The following ASTN2 variants were observed in gnomAD, a reference collection of about 807,000 sequenced individuals.
ASTN2 encodes astrotactin-2.
A neutral mutation model predicts 139.8 loss-of-function variants in ASTN2; 54 were observed. That is an observed-to-expected ratio of 0.39 (90% confidence interval 0.31 to 0.48). ASTN2 has a LOEUF of 0.48. Among genes scored for constraint, ASTN2 ranks in the 20% least tolerant of loss-of-function variants. The pLI is 0.95. For synonymous variants in ASTN2, 756 were observed against 719.5 expected (o/e 1.05, Z -0.81); for missense variants, 1,565 against 1,725.1 (o/e 0.91, Z 1.64).
At chr9:116,791,891 C>T (rs1830570816) in intron 13 of ASTN2, among the ~76,000 whole-genome samples, 1 of 152,120 alleles carries the variant, frequency 6.6e-6, no homozygotes, top group Admixed American at 6.5e-5. Context: ...GGAAAGCGAG[C>T]TGTGAAGACA....
chr9:117,397,105 C>T (rs542335655), intron 1 of ASTN2, among the ~76,000 whole-genome samples: 15 of 152,044 alleles, frequency 9.9e-5, no homozygotes, highest in African/African-American at 3.4e-4. Context: ...CCATGCCTGG[C>T]TAATTTTTTG....
At chr9:117,137,745 A>G (rs1018903648) in intron 4 of ASTN2, among the ~76,000 whole-genome samples, 6 of 152,032 alleles carry the variant, frequency 3.9e-5, no homozygotes, top group Admixed American at 2.0e-4. Flanking sequence ...CTTTTGTCCA[A>G]GGAAATCTTG....
chr9:116,729,191 A>G (rs949323167), intron 14 of ASTN2, 95 bp from the exon 15 acceptor site: 23 of 923,156 alleles, frequency 2.5e-5, no homozygotes, highest in Non-Finnish European at 3.4e-5. Flanking sequence ...GGAAACAGAC[A>G]CCTCTTTGAA....
chr9:116,427,226 C>G (rs1432304728), intron 22 of ASTN2, among the ~76,000 whole-genome samples: 1 of 152,130 alleles, frequency 6.6e-6, no homozygotes, highest in Non-Finnish European at 1.5e-5. Flanking sequence ...CCAGTAGCAC[C>G]CTTGCCCCGG....
intron 7 of ASTN2, among the ~76,000 whole-genome samples, chr9:116,998,572 T>TCCATCCATCCATCCAC (rs55932045): frequency 4.2e-4 from 62 of 147,966 alleles, no homozygotes; most frequent in African/African-American, 1.5e-3. Context: ...CATCCATCCA[T>TCCATCCATCCATCCAC]ACATCCATCC....
chr9:116,958,679 C>T (rs765009788), intron 10 of ASTN2, among the ~76,000 whole-genome samples: 6 of 152,034 alleles, frequency 3.9e-5, no homozygotes, highest in Admixed American at 6.6e-5. Context: ...TAGGAATAGC[C>T]CTAGTCACTG....
At chr9:116,838,090 T>G (rs1264290241) in intron 11 of ASTN2, among the ~76,000 whole-genome samples, 1 of 150,860 alleles carries the variant, frequency 6.6e-6, no homozygotes, top group Non-Finnish European at 1.5e-5. Flanking sequence ...ATTCCAGTTC[T>G]GCCTGGCTGT....
intron 13 of ASTN2, among the ~76,000 whole-genome samples, chr9:116,778,382 C>T (rs1830136661): frequency 7.8e-6 from 1 of 128,864 alleles, no homozygotes; most frequent in Non-Finnish European, 1.6e-5. Flanking sequence ...ACTAGCTTTA[C>T]AATTAGGGGA....
chr9:117,005,839 T>C (rs898183254), intron 7 of ASTN2, among the ~76,000 whole-genome samples: 2 of 152,124 alleles, frequency 1.3e-5, no homozygotes, highest in Non-Finnish European at 1.5e-5. Flanking sequence ...TGACTCAGGA[T>C]CTGTAAGTAA....
chr9:116,425,335 A>G lies in ASTN2; in HGVS notation c.*516T>C. 1 of 536,802 alleles carries G rather than the reference A, an allele frequency of 1.9e-6. No individual in the cohort carries two copies. The highest frequency in any genetic ancestry group is 3.3e-6 in the Non-Finnish European group (1 of 300,930). The allele number at this position is 536,802 out of a possible 1,614,324, so 33.3% of individuals were successfully genotyped here. A position where few individuals can be genotyped will look rare whatever the true frequency, so the allele number is the denominator to read the frequency against. The stretch of plus-strand genomic sequence containing the variant: ...CCCACAAACTCAATAATGTCCAGCA[A>G]AAAAGAGAGAGAAGTCCTTAAAGAC... On this transcript the variant is annotated 3_prime_UTR_variant, in exon 23 of 23. Transcript: ENST00000313400.
chr9:117,302,238 C>T (rs1834895051), intron 1 of ASTN2, among the ~76,000 whole-genome samples: 2 of 152,140 alleles, frequency 1.3e-5, no homozygotes, highest in South Asian at 4.1e-4. Context: ...GTTATCCCTA[C>T]AGCAACGATC....
intron 17 of ASTN2, among the ~76,000 whole-genome samples, chr9:116,636,686 A>AAAG: frequency 6.6e-6 from 1 of 152,018 alleles, no homozygotes; most frequent in Non-Finnish European, 1.5e-5. Flanking sequence ...AAAGAAAAAA[A>AAAG]AAAGAAAGAA....
At chr9:117,220,013 G>C (rs1295966194) in intron 2 of ASTN2, among the ~76,000 whole-genome samples, 1 of 152,184 alleles carries the variant, frequency 6.6e-6, no homozygotes, top group African/African-American at 2.4e-5. Context: ...GACTGCAATA[G>C]GCTCCCTTTA....
intron 13 of ASTN2, among the ~76,000 whole-genome samples, chr9:116,796,182 C>A (rs1475473703): frequency 6.6e-6 from 1 of 152,238 alleles, no homozygotes; most frequent in East Asian, 1.9e-4. Flanking sequence ...TACTATTATT[C>A]TTAATTTAGG....
intron 10 of ASTN2, among the ~76,000 whole-genome samples, chr9:116,876,281 G>C (rs1160936567): frequency 1.3e-5 from 2 of 152,210 alleles, no homozygotes; most frequent in Non-Finnish European, 2.9e-5. Flanking sequence ...GGTGGAGGTT[G>C]AAGATGTGAC....
intron 11 of ASTN2, among the ~76,000 whole-genome samples, chr9:116,832,256 T>C (rs10125126): frequency 0.24 from 36,140 of 152,030 alleles, 4,926 homozygotes; most frequent in East Asian, 0.5. Flanking sequence ...TCCCTGAGAT[T>C]TTCTATGTAA....
chr9:117,150,310 C>T (rs1830298532), intron 3 of ASTN2, among the ~76,000 whole-genome samples: 1 of 152,152 alleles, frequency 6.6e-6, no homozygotes, highest in Non-Finnish European at 1.5e-5. Flanking sequence ...ACGCAAAACA[C>T]TTTCACCTCC....
intron 5 of ASTN2, among the ~76,000 whole-genome samples, chr9:117,083,150 T>C (rs1319688746): frequency 6.6e-6 from 1 of 152,188 alleles, no homozygotes; most frequent in Non-Finnish European, 1.5e-5. Flanking sequence ...TTTCCCACCA[T>C]ATTCCTGGTC....
intron 2 of ASTN2, among the ~76,000 whole-genome samples, 161 bp downstream of exon 2, chr9:117,291,165 A>T (rs1040349765): frequency 2.0e-5 from 3 of 152,244 alleles, no homozygotes; most frequent in African/African-American, 7.2e-5. Flanking sequence ...GCATCAGTCC[A>T]AGTGACATCA....
Sources: allele counts gnomAD v4.1 joint callset (sites outside exome capture counted in the v4.1 genomes callset), GRCh38; gene constraint gnomAD v4.1.1; transcripts MANE v1.5; gene names NCBI Gene and HGNC (gene_info 2026-07-23, HGNC 2026-07-21).